TBC1D5: variants seen among roughly 807,000 people sequenced by gnomAD.
TBC1D5 encodes the protein TBC1 domain family, member 5.
TBC1D5 carries 75 observed loss-of-function variants against 100.3 expected under a neutral mutation model. That is an observed-to-expected ratio of 0.75 (90% CI 0.62 to 0.91). TBC1D5 has a LOEUF of 0.91. Among genes scored for constraint, TBC1D5 ranks in the 40% least tolerant of loss-of-function variants. TBC1D5 has a pLI of 0.00. For synonymous variants in TBC1D5, 323 were observed against 325.6 expected (o/e 0.99, Z 0.09); for missense variants, 910 against 942.4 (o/e 0.97, Z 0.45).
intron 2 of TBC1D5, among the ~76,000 whole-genome samples, chr3:17,536,849 T>G (rs906349942): frequency 6.6e-6 from 1 of 152,224 alleles, no homozygotes; most frequent in East Asian, 1.9e-4. Flanking sequence ...GTCTGAAGAC[T>G]TGAAGTCATA....
At chr3:17,549,436 G>C (rs964465848) in intron 2 of TBC1D5, among the ~76,000 whole-genome samples, 2 of 152,066 alleles carry the variant, frequency 1.3e-5, no homozygotes, top group Admixed American at 1.3e-4. Context: ...ACATTTAAAA[G>C]TAAAGATATC....
At chr3:17,531,405 T>C (rs959177806) in intron 2 of TBC1D5, among the ~76,000 whole-genome samples, 6 of 152,178 alleles carry the variant, frequency 3.9e-5, no homozygotes, top group South Asian at 2.1e-4. Context: ...AATGGCCATA[T>C]TGCCCAAGGT....
At chr3:17,164,543 C>T (rs879654390) in intron 21 of TBC1D5, among the ~76,000 whole-genome samples, 2 of 152,220 alleles carry the variant, frequency 1.3e-5, no homozygotes, top group Non-Finnish European at 2.9e-5. Flanking sequence ...GTTCCTGGCA[C>T]AGCAGGCTGT....
At chr3:17,177,917 G>A (rs777101964) in intron 19 of TBC1D5, among the ~76,000 whole-genome samples, 2 of 152,134 alleles carry the variant, frequency 1.3e-5, no homozygotes, top group Non-Finnish European at 2.9e-5. Context: ...ATCTCCATGA[G>A]TTCAATTGTT....
At chr3:17,322,927 C>T (rs979241797) in intron 13 of TBC1D5, among the ~76,000 whole-genome samples, 4 of 152,142 alleles carry the variant, frequency 2.6e-5, no homozygotes, top group African/African-American at 9.7e-5. Flanking sequence ...CAGGTGCCAT[C>T]GTGCCTTAGC....
chr3:17,338,758 T>C (rs2088362414), intron 13 of TBC1D5, among the ~76,000 whole-genome samples: 1 of 152,230 alleles, frequency 6.6e-6, no homozygotes. Flanking sequence ...ATGCACATAC[T>C]TACGTCTTGT....
At chr3:17,428,790 A>G (rs115605326) in intron 3 of TBC1D5, among the ~76,000 whole-genome samples, 1 of 151,926 alleles carries the variant, frequency 6.6e-6, no homozygotes, top group East Asian at 1.9e-4. Context: ...TTTTCTTCTT[A>G]TGAATTACAG....
chr3:17,491,162 A>T (rs761257456), intron 3 of TBC1D5, among the ~76,000 whole-genome samples: 46 of 152,188 alleles, frequency 3.0e-4, no homozygotes, highest in Non-Finnish European at 5.7e-4. Flanking sequence ...CTGGTTTTGT[A>T]TCCCGAGACT....
intron 18 of TBC1D5, among the ~76,000 whole-genome samples, chr3:17,203,623 T>C (rs1479456172): frequency 6.6e-6 from 1 of 152,114 alleles, no homozygotes; most frequent in African/African-American, 2.4e-5. Flanking sequence ...ATGAGGTGGA[T>C]TTCCCCCTTG....
At chr3:17,672,063 C>T (rs2068004497) in intron 1 of TBC1D5, among the ~76,000 whole-genome samples, 2 of 152,174 alleles carry the variant, frequency 1.3e-5, no homozygotes, top group Admixed American at 1.3e-4. Flanking sequence ...GTTGGGCATA[C>T]AAAGAATTTC....
At chr3:17,186,184 T>A (rs1295230864) in intron 18 of TBC1D5, among the ~76,000 whole-genome samples, 1 of 151,936 alleles carries the variant, frequency 6.6e-6, no homozygotes, top group African/African-American at 2.4e-5. Context: ...TCCTTTTGCA[T>A]AAGAATCCTC....
rs967148223 is a variant in TBC1D5 at position 17,185,293 on chromosome 3, T to A, written c.1753-85A>T. 3.6e-6 allele frequency: 4 copies of A among 1,108,082 alleles called. No homozygotes were observed. In the African/African-American group the frequency reaches 6.3e-5, roughly 17 times the overall value. The allele number at this position is 1,108,082 out of a possible 1,614,324, so 68.6% of individuals were successfully genotyped here. A position where few individuals can be genotyped will look rare whatever the true frequency, so the allele number is the denominator to read the frequency against. Reference sequence around the variant, plus strand: ...AGTTTTCTAAATGATCTAGACTAGTTTAAAGAAGCATGATACCTTTTTAAA... The same window carrying A: ...AGTTTTCTAAATGATCTAGACTAGTATAAAGAAGCATGATACCTTTTTAAA... On this transcript the variant is annotated intron_variant, in intron 18 of 21. Coordinates refer to ENST00000253692, the Ensembl canonical transcript of TBC1D5.
intron 2 of TBC1D5, among the ~76,000 whole-genome samples, chr3:17,607,129 T>C (rs1276055942): frequency 1.3e-5 from 2 of 152,168 alleles, no homozygotes; most frequent in Non-Finnish European, 2.9e-5. Context: ...ATCTAAAAAC[T>C]CAGATGACCA....
chr3:17,614,497 T>C (rs548087555), intron 2 of TBC1D5, among the ~76,000 whole-genome samples: 2 of 152,368 alleles, frequency 1.3e-5, no homozygotes, highest in South Asian at 2.1e-4. Flanking sequence ...ATTTTCACAA[T>C]GTTGATTCCT....
At chr3:17,728,785 T>C (rs1390208706) in intron 1 of TBC1D5, among the ~76,000 whole-genome samples, 1 of 151,978 alleles carries the variant, frequency 6.6e-6, no homozygotes, top group African/African-American at 2.4e-5. Flanking sequence ...GTAGCATCAA[T>C]TAAGTGTTAA....
intron 8 of TBC1D5, among the ~76,000 whole-genome samples, chr3:17,397,194 A>T (rs1447359967): frequency 6.6e-6 from 1 of 152,074 alleles, no homozygotes; most frequent in Non-Finnish European, 1.5e-5. Context: ...CTTGCAAGCA[A>T]TTATTAATGA....
intron 14 of TBC1D5, among the ~76,000 whole-genome samples, chr3:17,302,809 C>T (rs566295855): frequency 1.1e-4 from 16 of 152,292 alleles, no homozygotes; most frequent in Admixed American, 3.3e-4. Flanking sequence ...TCCAAAAGAA[C>T]ATATGTAATG....
At chr3:17,405,850 A>G (rs976846830) in intron 5 of TBC1D5, among the ~76,000 whole-genome samples, 19 of 152,200 alleles carry the variant, frequency 1.2e-4, no homozygotes, top group Admixed American at 6.6e-4. Context: ...TCATGTTTAG[A>G]AAACAAAAAC....
At chr3:17,303,625 G>A (rs546698499) in intron 14 of TBC1D5, among the ~76,000 whole-genome samples, 18 of 152,144 alleles carry the variant, frequency 1.2e-4, no homozygotes, top group Admixed American at 2.0e-4. Context: ...GCTTTATGTC[G>A]GACCACAACT....
Sources: allele counts gnomAD v4.1 joint callset (sites outside exome capture counted in the v4.1 genomes callset), GRCh38; gene constraint gnomAD v4.1.1; transcripts MANE v1.5; gene names NCBI Gene and HGNC (gene_info 2026-07-23, HGNC 2026-07-21).